The following PHIP variants were observed in gnomAD, a reference collection of about 807,000 sequenced individuals.
The protein encoded by PHIP is PH-interacting protein.
In PHIP, 54 loss-of-function variants were observed where a neutral mutation model predicts 236.8. That is an observed-to-expected ratio of 0.23 (90% CI 0.18 to 0.29). PHIP has a LOEUF of 0.29. Among genes scored for constraint, PHIP ranks in the 10% least tolerant of loss-of-function variants. The probability of loss-of-function intolerance (pLI) is 1.00; values close to 1 mark genes in which losing one functional copy is unlikely to be tolerated. For synonymous variants in PHIP, 756 were observed against 718.9 expected (o/e 1.05, Z -0.83); for missense variants, 1,370 against 2,190.8 (o/e 0.63, Z 7.48).
chr6:78,989,015 A>AT (rs904542350), intron 20 of PHIP, among the ~76,000 whole-genome samples: 2 of 152,168 alleles, frequency 1.3e-5, no homozygotes. Context: ...TACAACCAAT[A>AT]AACACTAAAA....
intron 31 of PHIP, among the ~76,000 whole-genome samples, chr6:78,959,523 C>A (rs117212578): frequency 1.3e-5 from 2 of 151,734 alleles, no homozygotes; most frequent in Non-Finnish European, 2.9e-5. Context: ...AGAAGTTTCA[C>A]GAAAGAAAAA....
At chr6:78,947,148 T>C (rs985757693) in intron 36 of PHIP, among the ~76,000 whole-genome samples, 18 of 152,198 alleles carry the variant, frequency 1.2e-4, no homozygotes, top group Non-Finnish European at 1.9e-4. Flanking sequence ...ACAAAACTTA[T>C]TGTCAACTTT....
At chr6:79,061,063 TTCCAAC>T (rs896467638) in intron 4 of PHIP, among the ~76,000 whole-genome samples, 1 of 152,146 alleles carries the variant, frequency 6.6e-6, no homozygotes, top group African/African-American at 2.4e-5. Flanking sequence ...AAAGGCAAAA[TTCCAAC>T]TGCTGCTTTA....
chr6:78,990,106 C>T (rs1201202241), intron 20 of PHIP, among the ~76,000 whole-genome samples: 1 of 152,082 alleles, frequency 6.6e-6, no homozygotes, highest in Non-Finnish European at 1.5e-5. Context: ...GAACACGAAG[C>T]TGGTGAAGAA....
rs755956883 is a variant in PHIP at position 78,982,930 on chromosome 6, G to T, written c.2725C>A (p.Pro909Thr). 6 of 1,594,042 alleles carry T rather than the reference G, an allele frequency of 3.8e-6. No homozygotes were observed. The highest frequency in any genetic ancestry group is 5.1e-6 in the Non-Finnish European group (6 of 1,172,430). Residue 909 changes from proline to threonine, a missense_variant, in exon 23 of 40, where the codon CCA (proline) becomes ACA (threonine). Pro to Thr is a conservative substitution (Grantham distance 38). Coordinates refer to ENST00000275034, the MANE Select transcript of PHIP (RefSeq NM_017934.7). ...KKKVNEEKDG[P>T]ISPKKKKPKE... ...GGCTTCTTTTTCTTTGGTGATATTG[G>T]TCCATCTTTTTCTTCATTTACTTTT...
chr6:78,990,967 T>C lies in PHIP; in HGVS notation c.2220A>G (p.Arg740=). The C allele has an allele frequency of 6.2e-7, 1 of 1,606,578 alleles. No homozygotes were observed. Among genetic ancestry groups the C allele is most frequent in the Non-Finnish European group, 8.5e-7 (1 of 1,174,750 alleles). The change falls in exon 20 of 40, where the codon AGA becomes AGG. Residue 740 remains arginine (R), a synonymous_variant. Transcript: ENST00000275034. ...AGVASRQEEW[R]TAKGEEEIKT... is the part of the protein sequence containing the mutation. ...TTATTTCTTCTTCTCCCTTTGCAGTTCTCCATTCTTCTTGCCTACTGAAAG... is the reference window on the plus strand; with the variant it reads ...TTATTTCTTCTTCTCCCTTTGCAGTCCTCCATTCTTCTTGCCTACTGAAAG...
intron 4 of PHIP, among the ~76,000 whole-genome samples, chr6:79,071,578 T>G (rs78334448): frequency 0.011 from 1,603 of 152,270 alleles, 28 homozygotes; most frequent in African/African-American, 0.036. Flanking sequence ...ATCCTAAAAT[T>G]AGCTGTTAAA....
chr6:79,029,380 C>A (rs933085351), intron 7 of PHIP, among the ~76,000 whole-genome samples: 1 of 152,110 alleles, frequency 6.6e-6, no homozygotes, highest in African/African-American at 2.4e-5. Flanking sequence ...AAAAGATAAT[C>A]TGAGCATGAA....
chr6:79,059,763 G>T (rs909850149), intron 6 of PHIP, among the ~76,000 whole-genome samples: 15 of 151,624 alleles, frequency 9.9e-5, no homozygotes, highest in African/African-American at 3.4e-4. Flanking sequence ...GAGTGGAAAA[G>T]AAGCTATGAT....
At chr6:79,016,262 AC>A (rs1346467382) in intron 13 of PHIP, among the ~76,000 whole-genome samples, 2 of 151,964 alleles carry the variant, frequency 1.3e-5, no homozygotes, top group Non-Finnish European at 2.9e-5. Flanking sequence ...GATAAACGAA[AC>A]ATAATATGTT....
intron 15 of PHIP, among the ~76,000 whole-genome samples, chr6:79,013,005 GA>G (rs1356270694): frequency 2.0e-5 from 3 of 151,824 alleles, no homozygotes; most frequent in African/African-American, 7.2e-5. Flanking sequence ...CAGTAACATT[GA>G]CAAAAGCTCA....
At chr6:79,025,270 A>C (rs1771338523) in intron 9 of PHIP, among the ~76,000 whole-genome samples, 1 of 151,618 alleles carries the variant, frequency 6.6e-6, no homozygotes. Flanking sequence ...TAAAACAGGT[A>C]AATGCTGAAG....
At chr6:78,963,515 G>A (rs1766930067) in intron 29 of PHIP, among the ~76,000 whole-genome samples, 1 of 152,006 alleles carries the variant, frequency 6.6e-6, no homozygotes, top group African/African-American at 2.4e-5. Context: ...AAGTACATGT[G>A]CAGAAATCAT....
rs762772246 is a variant in PHIP, at chr6:79,017,587, T to C, written c.995-4A>G. On this transcript the variant is annotated splice_region_variant and splice_polypyrimidine_tract_variant and intron_variant, in intron 10 of 39. Coordinates refer to ENST00000275034, the MANE Select transcript of PHIP (RefSeq NM_017934.7). Reference sequence around the variant, plus strand: ...CCCGTCGCCAGAAACATTCCACCTATGAAGAATAACAGCAATTGTTAAGAA... The same window carrying C: ...CCCGTCGCCAGAAACATTCCACCTACGAAGAATAACAGCAATTGTTAAGAA... 3.1e-6 allele frequency: 5 copies of C among 1,600,432 alleles called. No homozygotes were observed. Among genetic ancestry groups the C allele is most frequent in the South Asian group, 1.1e-5 (1 of 90,456 alleles).
intron 7 of PHIP, among the ~76,000 whole-genome samples, chr6:79,041,267 C>G (rs890242757): frequency 1.3e-5 from 2 of 152,002 alleles, no homozygotes; most frequent in Admixed American, 6.6e-5. Context: ...GCATGCTGAA[C>G]CCTGGTTCAA....
chr6:78,997,686 C>A, intron 18 of PHIP, 89 bp from the exon 19 acceptor site: 1 of 1,009,986 alleles, frequency 9.9e-7, no homozygotes, highest in Admixed American at 2.8e-5. Context: ...CACTATCTTC[C>A]ATAAGAAACT....
At position 78,963,952 on chromosome 6, in the gene PHIP, T is replaced by C. The variant is rs1009172453; in HGVS notation, c.3380-700A>G. ...AGGTTCGTATGAATGTGTATCCAAATAGAACAACAACAGTAACCACCCTTC... is the reference window on the plus strand; with the variant it reads ...AGGTTCGTATGAATGTGTATCCAAACAGAACAACAACAGTAACCACCCTTC... On this transcript the variant is annotated intron_variant, in intron 29 of 39. Coordinates refer to ENST00000275034, the MANE Select transcript of PHIP (RefSeq NM_017934.7). 1.3e-5 allele frequency among the ~76,000 whole-genome samples: 2 copies of C among 150,168 alleles called. 1 individual carries two copies. The highest frequency in any genetic ancestry group is 4.2e-4 in the South Asian group (2 of 4,786).
At chr6:79,043,035 T>C (rs761312539) in intron 6 of PHIP, 32 bp from the exon 7 acceptor site, 2 of 1,556,182 alleles carry the variant, frequency 1.3e-6, no homozygotes, top group Non-Finnish European at 1.8e-6. Flanking sequence ...ATAAATGTAA[T>C]CTGGAAATTA....
chr6:79,059,626 A>ATATATATATATATATATATATAT (rs1562216785), intron 6 of PHIP, among the ~76,000 whole-genome samples: 2 of 43,214 alleles, frequency 4.6e-5, no homozygotes, highest in Non-Finnish European at 1.0e-4. Context: ...TATATATATA[A>ATATATATATATATATATATATAT]AAATGCCAAA....
Sources: allele counts gnomAD v4.1 joint callset (sites outside exome capture counted in the v4.1 genomes callset), GRCh38; gene constraint gnomAD v4.1.1; transcripts MANE v1.5; gene names NCBI Gene and HGNC (gene_info 2026-07-23, HGNC 2026-07-21).